CCDC171: variants seen among roughly 807,000 people sequenced by gnomAD.
CCDC171 encodes coiled-coil domain-containing protein 171.
In CCDC171, 177 loss-of-function variants were observed where a neutral mutation model predicts 168.2. The ratio of observed to expected loss-of-function variants is 1.05; its 90% CI spans 0.93 to 1.19. The LOEUF is 1.19. CCDC171 is among the 50% of genes most tolerant of loss of function. The probability of loss-of-function intolerance (pLI) is 0.00; values close to 1 mark genes in which losing one functional copy is unlikely to be tolerated. For missense variants in CCDC171, 1,991 were observed against 1,539.0 expected (o/e 1.29, Z -4.91); for synonymous variants, 687 against 540.8 (o/e 1.27, Z -3.75).
chr9:15,690,569 A>G (rs1175152977), intron 10 of CCDC171, among the ~76,000 whole-genome samples: 2 of 152,190 alleles, frequency 1.3e-5, no homozygotes, highest in Non-Finnish European at 2.9e-5. Context: ...AAGCACTGGA[A>G]GAAAAATGGA....
chr9:16,097,553 C>T, the CCDC171 span, among the ~76,000 whole-genome samples: 8 of 152,326 alleles, frequency 5.3e-5, no homozygotes, highest in Admixed American at 4.6e-4. Flanking sequence ...GTGTGTTTCA[C>T]AGGCAGGAGC....
intron 21 of CCDC171, among the ~76,000 whole-genome samples, chr9:15,835,609 T>TA (rs1393595423): frequency 6.6e-6 from 1 of 152,122 alleles, no homozygotes; most frequent in African/African-American, 2.4e-5. Flanking sequence ...GTATTTTTAG[T>TA]AGAGACAGGG....
At chr9:15,846,382 AT>A (rs932982520) in intron 21 of CCDC171, among the ~76,000 whole-genome samples, 28 of 152,120 alleles carry the variant, frequency 1.8e-4, no homozygotes, top group Admixed American at 5.2e-4. Flanking sequence ...TGAAATCTTT[AT>A]TTTTTCATCA....
intron 6 of CCDC171, among the ~76,000 whole-genome samples, chr9:15,618,641 T>C (rs752512656): frequency 6.6e-6 from 1 of 152,158 alleles, no homozygotes; most frequent in Non-Finnish European, 1.5e-5. Context: ...AGGGCCCTGG[T>C]GGCATAGGGT....
At chr9:15,618,024 C>T (rs1297202199) in intron 6 of CCDC171, among the ~76,000 whole-genome samples, 3 of 152,268 alleles carry the variant, frequency 2.0e-5, no homozygotes, top group East Asian at 3.9e-4. Context: ...CTTAGGAGTG[C>T]GGGTGCGCTG....
rs754032439 is a variant in CCDC171, at chr9:15,723,763, C to T, written c.1491+17C>T. The T allele has an allele frequency of 1.6e-6, 2 of 1,243,432 alleles. No individual in the cohort carries two copies. The highest frequency in any genetic ancestry group is 2.7e-5 in the South Asian group (2 of 73,762). 77.0% of individuals were successfully genotyped at this position (1,243,432 alleles called of 1,614,324 possible). ...AATATAAAGGTATTATTTAGAATAACTTTTACCTTTTGTATTAAGAAACAA... is the reference window on the plus strand; with the variant it reads ...AATATAAAGGTATTATTTAGAATAATTTTTACCTTTTGTATTAAGAAACAA... On this transcript the variant is annotated intron_variant, in intron 13 of 25. Transcript: ENST00000380701.
intron 3 of CCDC171, among the ~76,000 whole-genome samples, chr9:15,987,182 G>A (rs1832017171): frequency 1.3e-5 from 2 of 152,066 alleles, no homozygotes; most frequent in Admixed American, 1.3e-4. Flanking sequence ...AACACCACTA[G>A]CAAATGTCAA....
At chr9:15,804,276 G>A (rs1416502470) in intron 21 of CCDC171, among the ~76,000 whole-genome samples, 1 of 152,100 alleles carries the variant, frequency 6.6e-6, no homozygotes, top group Non-Finnish European at 1.5e-5. Context: ...TGTTGAATAG[G>A]AGTGGTGAGA....
the CCDC171 span, among the ~76,000 whole-genome samples, chr9:16,075,364 C>T: frequency 1.3e-5 from 2 of 152,246 alleles, no homozygotes; most frequent in African/African-American, 4.8e-5. Context: ...GTTCCTTATT[C>T]ATATTACCTA....
the CCDC171 span, among the ~76,000 whole-genome samples, chr9:16,085,325 AG>A: frequency 6.6e-6 from 1 of 152,250 alleles, no homozygotes; most frequent in African/African-American, 2.4e-5. Context: ...CACTGTTGGA[AG>A]GGCTGGGAGC....
chr9:15,590,787 T>TTCTCTTTCTTTCTTTC (rs1491022642), intron 4 of CCDC171, among the ~76,000 whole-genome samples: 4 of 52,738 alleles, frequency 7.6e-5, no homozygotes, highest in African/African-American at 1.9e-4. Flanking sequence ...CTTTCTTTCT[T>TTCTCTTTCTTTCTTTC]TCTTTCTTTC....
At chr9:15,749,143 CA>C (rs144579400) in intron 18 of CCDC171, among the ~76,000 whole-genome samples, 81,280 of 136,874 alleles carry the variant, frequency 0.59, 23,787 homozygotes, top group African/African-American at 0.79. Context: ...AAATGGAAAG[CA>C]AAAAAAAAAA....
At chr9:15,572,748 C>G (rs1010540122) in intron 3 of CCDC171, among the ~76,000 whole-genome samples, 4 of 152,124 alleles carry the variant, frequency 2.6e-5, no homozygotes, top group Non-Finnish European at 4.4e-5. Context: ...TCATGCTTTC[C>G]TGCTCTTCTT....
intron 25 of CCDC171, among the ~76,000 whole-genome samples, chr9:15,969,538 C>T (rs776948900): frequency 6.6e-6 from 1 of 152,136 alleles, no homozygotes; most frequent in Non-Finnish European, 1.5e-5. Context: ...TCTGACCTTC[C>T]TTGGACTGAT....
At chr9:15,703,465 A>G (rs2051951110) in intron 11 of CCDC171, among the ~76,000 whole-genome samples, 1 of 152,120 alleles carries the variant, frequency 6.6e-6, no homozygotes, top group Non-Finnish European at 1.5e-5. Context: ...TACCTCCATG[A>G]GATCAATTTT....
chr9:15,700,624 T>C (rs986061535), intron 11 of CCDC171, among the ~76,000 whole-genome samples: 6 of 152,166 alleles, frequency 3.9e-5, no homozygotes, highest in African/African-American at 1.4e-4. Flanking sequence ...GCTTTATTTT[T>C]AGTTTTCTTT....
intron 6 of CCDC171, among the ~76,000 whole-genome samples, chr9:15,606,666 C>G (rs2043251082): frequency 6.6e-6 from 1 of 152,108 alleles, no homozygotes; most frequent in African/African-American, 2.4e-5. Flanking sequence ...ATTTTGGATT[C>G]TGAGAAATGT....
At chr9:15,626,605 A>T (rs201543260) in intron 7 of CCDC171, among the ~76,000 whole-genome samples, 1 of 152,222 alleles carries the variant, frequency 6.6e-6, no homozygotes, top group Admixed American at 6.5e-5. Context: ...TGTTTATATG[A>T]TGGATTACGT....
At chr9:15,677,717 T>C (rs1244613462) in intron 9 of CCDC171, among the ~76,000 whole-genome samples, 1 of 149,800 alleles carries the variant, frequency 6.7e-6, no homozygotes, top group Non-Finnish European at 1.5e-5. Context: ...ACAATATACA[T>C]ATATATTTTT....
Sources: gnomAD v4.1 joint callset for allele counts (sites outside exome capture counted in the v4.1 genomes callset) on GRCh38, gnomAD v4.1.1 for gene constraint, MANE v1.5 for transcripts, NCBI Gene and HGNC (gene_info 2026-07-23, HGNC 2026-07-21) for gene names.